Variants in DOCK7 observed in about 807,000 individuals in gnomAD.
The protein encoded by DOCK7 is dedicator of cytokinesis protein 7.
In DOCK7, 138 loss-of-function variants were observed where a neutral mutation model predicts 271.0. The ratio of observed to expected loss-of-function variants is 0.51; its 90% CI spans 0.44 to 0.59. The LOEUF is 0.59. Among genes scored for constraint, DOCK7 ranks in the 20% least tolerant of loss-of-function variants. DOCK7 has a pLI of 0.00. For synonymous variants in DOCK7, 823 were observed against 876.1 expected (o/e 0.94, Z 1.07); for missense variants, 2,066 against 2,592.4 (o/e 0.80, Z 4.41).
At chr1:62,638,263 A>T (rs755242128) in intron 7 of DOCK7, 1 of 152,086 alleles carries the variant, frequency 6.6e-6, no homozygotes, top group Non-Finnish European at 1.5e-5. Flanking sequence ...TCTATGATTT[A>T]TCTTCTCTTG....
At chr1:62,557,305 C>T (rs1432447749) in intron 20 of DOCK7, among the ~76,000 whole-genome samples, 1 of 150,660 alleles carries the variant, frequency 6.6e-6, no homozygotes, top group African/African-American at 2.5e-5. Flanking sequence ...CTATCTATCA[C>T]CTTTACTCTT....
intron 13 of DOCK7, among the ~76,000 whole-genome samples, chr1:62,619,090 A>C (rs1040603813): frequency 6.6e-6 from 1 of 152,146 alleles, no homozygotes. Flanking sequence ...AAAATAATAA[A>C]TGCTTATTAA....
At chr1:62,652,219 C>T (rs1425861891) in intron 4 of DOCK7, among the ~76,000 whole-genome samples, 13 of 152,200 alleles carry the variant, frequency 8.5e-5, no homozygotes, top group African/African-American at 3.1e-4. Context: ...GCTTAAAGCA[C>T]TACTGAAGCT....
chr1:62,497,310 T>C (rs1339912594), intron 37 of DOCK7, among the ~76,000 whole-genome samples: 1 of 152,166 alleles, frequency 6.6e-6, no homozygotes, highest in Non-Finnish European at 1.5e-5. Context: ...GCCTCATCCA[T>C]GTCTTTGCTT....
At chr1:62,457,188 T>C (rs1645371450) in intron 49 of DOCK7, among the ~76,000 whole-genome samples, 1 of 152,160 alleles carries the variant, frequency 6.6e-6, no homozygotes. Flanking sequence ...GGTGTCCCGG[T>C]TAATGAGTAC....
intron 14 of DOCK7, among the ~76,000 whole-genome samples, chr1:62,589,962 A>G (rs1017436440): frequency 2.0e-5 from 3 of 151,954 alleles, no homozygotes; most frequent in African/African-American, 7.2e-5. Flanking sequence ...AAATCCCAAG[A>G]TTCTACGTTC....
At chr1:62,576,608 G>C (rs984436293) in intron 18 of DOCK7, among the ~76,000 whole-genome samples, 1 of 152,162 alleles carries the variant, frequency 6.6e-6, no homozygotes, top group African/African-American at 2.4e-5. Context: ...TTCACAAAAC[G>C]TATTTTAGAG....
rs1472518836 is a variant in DOCK7, at chr1:62,513,704, A to G, written c.4119+12T>C. ...CTTTCTTGTTCTTTGCAATGGTACAATGACCACTTACTTTATACTCAAAGC... is the reference window on the plus strand; with the variant it reads ...CTTTCTTGTTCTTTGCAATGGTACAGTGACCACTTACTTTATACTCAAAGC... On this transcript the variant is annotated intron_variant, in intron 32 of 49. Coordinates refer to ENST00000635253, the MANE Select transcript of DOCK7 (RefSeq NM_001367561.1). 1.2e-6 allele frequency: 2 copies of G among 1,612,860 alleles called. No homozygotes were observed. Among genetic ancestry groups the G allele is most frequent in the Admixed American group, 1.7e-5 (1 of 59,740 alleles).
intron 18 of DOCK7, among the ~76,000 whole-genome samples, chr1:62,570,131 A>G (rs1177963253): frequency 6.6e-6 from 1 of 152,198 alleles, no homozygotes; most frequent in Non-Finnish European, 1.5e-5. Context: ...TGCAGATGAC[A>G]TGATCCTCTA....
Position 62,648,406 on chromosome 1 carries a change from A to T in DOCK7, c.519+9T>A. 1 of 1,499,022 alleles carries T rather than the reference A, an allele frequency of 6.7e-7. No homozygotes were observed. 92.9% of individuals were successfully genotyped at this position (1,499,022 alleles called of 1,614,324 possible). Reference sequence around the variant, plus strand: ...ACTTCTTATAGTTATTTAAGAATAAAAGTATTACTTGATCATCCTGGTAGC... The same window carrying T: ...ACTTCTTATAGTTATTTAAGAATAATAGTATTACTTGATCATCCTGGTAGC... On this transcript the variant is annotated intron_variant, in intron 5 of 49. Transcript: ENST00000635253.
Position 62,475,218 on chromosome 1 carries a change from G to A in DOCK7, c.6095C>T (p.Thr2032Ile). 1 of 1,613,480 alleles carries A rather than the reference G, an allele frequency of 6.2e-7. No homozygotes were observed. Among genetic ancestry groups the A allele is most frequent in the Non-Finnish European group, 8.5e-7 (1 of 1,179,762 alleles). ...GCAAAAAGCACTAACCTGATTCACTGTGGTGCCTACAGATCCCTGGAGTAC... is the reference window on the plus strand; with the variant it reads ...GCAAAAAGCACTAACCTGATTCACTATGGTGCCTACAGATCCCTGGAGTAC... Reference protein sequence around the residue: ...QMVLQGSVGTTVNQGPLEVAQ... With the variant: ...QMVLQGSVGTIVNQGPLEVAQ... Residue 2032 changes from threonine (T) to isoleucine (I), a missense_variant, in exon 47 of 50, where the codon ACA becomes ATA. By Grantham distance (89) the Thr-to-Ile change is moderately conservative. Around this residue, in one of 2 missense-constraint regions of DOCK7, gnomAD observed 652 missense variants for 922.1 expected, o/e 0.71. Coordinates refer to ENST00000635253, the MANE Select transcript of DOCK7 (RefSeq NM_001367561.1).
chr1:62,632,151 T>C (rs1206664738), intron 10 of DOCK7, among the ~76,000 whole-genome samples: 1 of 152,172 alleles, frequency 6.6e-6, no homozygotes, highest in Non-Finnish European at 1.5e-5. Flanking sequence ...AATGACAGTG[T>C]CCTACCTTGG....
At chr1:62,578,785 T>C (rs754758114) in intron 17 of DOCK7, 43 bp downstream of exon 17, 5 of 1,465,068 alleles carry the variant, frequency 3.4e-6, no homozygotes, top group Non-Finnish European at 3.7e-6. Flanking sequence ...ATATCACCAT[T>C]ATTTTAGCTC....
Position 62,513,796 on chromosome 1 carries a change from A to C in DOCK7, c.4039T>G (p.Trp1347Gly), listed in dbSNP as rs1449555256. Residue 1347 changes from tryptophan to glycine, a missense_variant, in exon 32 of 50, where the codon TGG (tryptophan) becomes GGG (glycine). Trp to Gly is a radical substitution (Grantham distance 184, BLOSUM62 -2). Coordinates refer to ENST00000635253, the MANE Select transcript of DOCK7 (RefSeq NM_001367561.1). ...TGCAAGACTGAGAGATCTGTAAACC[A>C]CTTCTGTAGAACTGTTTCATCTGCA... is the stretch of plus-strand genomic sequence containing the variant. Reference protein sequence around the residue: ...KNADETVLQKWFTDLSVLQLN... With the variant: ...KNADETVLQKGFTDLSVLQLN... 1.2e-6 allele frequency: 2 copies of C among 1,614,008 alleles called. No homozygotes were observed. Among genetic ancestry groups the C allele is most frequent in the African/African-American group, 2.7e-5 (2 of 74,926 alleles).
chr1:62,688,188 C>A, intron 1 of DOCK7, 39 bp downstream of exon 1: 1 of 1,357,724 alleles, frequency 7.4e-7, no homozygotes, highest in Non-Finnish European at 9.6e-7. Flanking sequence ...GGCTCTTTCT[C>A]GGGCGGCGGC....
chr1:62,515,185 G>A (rs1644625460), intron 31 of DOCK7, among the ~76,000 whole-genome samples: 1 of 150,824 alleles, frequency 6.6e-6, no homozygotes, highest in African/African-American at 2.4e-5. Flanking sequence ...GTAATAAGAG[G>A]CGGGACAACA....
chr1:62,669,456 G>A (rs912540), intron 1 of DOCK7, among the ~76,000 whole-genome samples: 23,920 of 152,188 alleles, frequency 0.16, 2,177 homozygotes, highest in Admixed American at 0.21. Context: ...ACCTCCTTGA[G>A]GAATAGACAA....
Position 62,466,743 on chromosome 1 carries a change from C to G in DOCK7, c.6212+7239G>C, listed in dbSNP as rs183085121. 3.4e-3 allele frequency among the ~76,000 whole-genome samples: 513 copies of G among 152,068 alleles called. 6 individuals are homozygous for G. The highest frequency in any genetic ancestry group is 0.011 in the African/African-American group (467 of 41,494). ...GGTCAGGAGTTTGAGACAAGCCTGA[C>G]CAACATGGCAAGACCCCATATACAA... On this transcript the variant is annotated intron_variant, in intron 48 of 49. Transcript: ENST00000635253.
rs1004758284 is a variant in DOCK7, at chr1:62,485,637, A to T, written c.5508+1761T>A. The T allele has an allele frequency of 6.1e-6, 6 of 985,278 alleles. No homozygotes were observed. In the African/African-American group the frequency reaches 8.7e-5, roughly 14 times the overall value. The allele number at this position is 985,278 out of a possible 1,614,324, so 61.0% of individuals were successfully genotyped here. ...AGTTTTCATCGAGTCAAAAAGAAAA[A>T]TATACACAAGATAGAACTTACCACA... is the stretch of plus-strand genomic sequence containing the variant. On this transcript the variant is annotated intron_variant, in intron 43 of 49. Transcript: ENST00000635253.
Sources: gnomAD v4.1 joint callset for allele counts (sites outside exome capture counted in the v4.1 genomes callset) on GRCh38, gnomAD v4.1.1 for gene constraint, gnomAD v4.1.1 regional missense constraint, MANE v1.5 for transcripts, NCBI Gene and HGNC (gene_info 2026-07-23, HGNC 2026-07-21) for gene names.